Variants in ZNF497 observed in about 807,000 individuals in gnomAD.
ZNF497 encodes the protein zinc finger-like protein.
For missense variants in ZNF497, 930 were observed against 714.0 expected, an observed-to-expected ratio of 1.30 and a Z score of -3.45; for synonymous variants, 422 against 313.7, an observed-to-expected ratio of 1.35 and a Z score of -3.65.
In ZNF497 at chr19:58,356,371, G is replaced by A. The variant is rs759345598; in HGVS notation, c.1265C>T (p.Ala422Val). 1.9e-6 allele frequency: 3 copies of A among 1,566,464 alleles called. No homozygotes were observed. The highest frequency in any genetic ancestry group is 2.6e-6 in the Non-Finnish European group (3 of 1,159,884). ...RPFACAECGK[A>V]FRGSSELRQH... ...GCGCAGCTCGGAGCTGCCGCGGAAGGCCTTGCCGCATTCTGCGCAGGCGAA... is the reference window on the plus strand; with the variant it reads ...GCGCAGCTCGGAGCTGCCGCGGAAGACCTTGCCGCATTCTGCGCAGGCGAA... The change falls in exon 3 of 3, where the codon GCC becomes GTC. Residue 422 changes from alanine (A) to valine (V), a missense_variant. Physicochemically the swap from Ala to Val is moderately conservative, Grantham distance 64. Coordinates refer to ENST00000311044, the MANE Select transcript of ZNF497 (RefSeq NM_198458.3).
In ZNF497 at chr19:58,357,063, G is replaced by A; in HGVS notation, c.573C>T (p.Arg191=). The A allele has an allele frequency of 6.2e-7, 1 of 1,610,960 alleles. No individual in the cohort carries two copies. The highest frequency in any genetic ancestry group is 1.1e-5 in the South Asian group (1 of 90,870). The change falls in exon 3 of 3, where the codon CGC becomes CGT. Residue 191 remains arginine (R), a synonymous_variant. Coordinates refer to ENST00000311044, the MANE Select transcript of ZNF497 (RefSeq NM_198458.3). ...QETHSGLKPF[R]CPDCGKSFGR... The stretch of plus-strand genomic sequence containing the variant: ...CGAAGGACTTGCCGCAGTCCGGGCA[G>A]CGGAAGGGCTTCAGGCCGCTGTGTG...
Position 58,354,530 on chromosome 19 carries a change from T to A in ZNF497, c.*1609A>T, listed in dbSNP as rs114360652. On this transcript the variant is annotated 3_prime_UTR_variant, in exon 3 of 3. Coordinates refer to ENST00000311044, the MANE Select transcript of ZNF497 (RefSeq NM_198458.3). ...AGGAGTTGAGGCGACTGCAGAGCGA[T>A]TGCAGAGCTCATAGACGTGATGAAG... 1.3e-5 allele frequency: 2 copies of A among 152,238 alleles called. No homozygotes were observed. Among genetic ancestry groups the A allele is most frequent in the Non-Finnish European group, 2.9e-5 (2 of 68,024 alleles). The allele number at this position is 152,238 out of a possible 1,614,324, so 9.4% of individuals were successfully genotyped here. A position where few individuals can be genotyped will look rare whatever the true frequency, so the allele number is the denominator to read the frequency against.
intron 1 of ZNF497, 49 bp from the exon 2 acceptor site, chr19:58,358,634 A>T: frequency 1.1e-6 from 1 of 934,874 alleles, no homozygotes; most frequent in Non-Finnish European, 1.4e-6. Context: ...AGCCTAGCAG[A>T]TCTGAGAAAA....
chr19:58,361,859 G>C (rs1389323947), intron 1 of ZNF497, among the ~76,000 whole-genome samples: 1 of 152,154 alleles, frequency 6.6e-6, no homozygotes, highest in Non-Finnish European at 1.5e-5. Context: ...TGTTTCTTAA[G>C]GCGGAGCCAG....
intron 2 of ZNF497, 49 bp downstream of exon 2, chr19:58,358,440 G>A (rs1027057814): frequency 8.6e-7 from 1 of 1,159,224 alleles, no homozygotes; most frequent in Non-Finnish European, 1.1e-6. Flanking sequence ...GTAGTCTCCA[G>A]CCCCGCTGCC....
Position 58,356,599 on chromosome 19 carries a change from G to T in ZNF497, c.1037C>A (p.Ala346Glu). The change falls in exon 3 of 3, where the codon GCG becomes GAG. Residue 346 changes from alanine to glutamate, a missense_variant. Physicochemically the swap from Ala to Glu is moderately radical, Grantham distance 107 (BLOSUM62 -1). Transcript: ENST00000311044. ...GQAFVMGSYL[A>E]EHRRVHTGEK... ...GCCCGTGTGCACGCGCCGGTGCTCC[G>T]CCAGGTAGGAGCCCATGACGAAAGC... 6.9e-7 allele frequency: 1 copy of T among 1,457,526 alleles called. No homozygotes were observed. Among genetic ancestry groups the T allele is most frequent in the Admixed American group, 2.3e-5 (1 of 43,302 alleles). The allele number at this position is 1,457,526 out of a possible 1,614,324, so 90.3% of individuals were successfully genotyped here. A position where few individuals can be genotyped will look rare whatever the true frequency, so the allele number is the denominator to read the frequency against.
In ZNF497 at chr19:58,356,447, C is replaced by A. The variant is rs765078676; in HGVS notation, c.1189G>T (p.Gly397Cys). The stretch of plus-strand genomic sequence containing the variant: ...CGGTGGTGCGCCAGGCCGGAACTGC[C>A]GCGGAAGGCCTTGCCGCAGTCGGCG... ...ACADCGKAFRGSSGLAHHRLS... is the reference protein window; with the variant it reads ...ACADCGKAFRCSSGLAHHRLS... The change falls in exon 3 of 3, where the codon GGC becomes TGC. Residue 397 changes from glycine (G) to cysteine (C), a missense_variant. Transcript: ENST00000311044. 1.3e-6 allele frequency: 2 copies of A among 1,555,838 alleles called. No homozygotes were observed. The highest frequency in any genetic ancestry group is 3.8e-5 in the Admixed American group (2 of 53,306).
Position 58,356,196 on chromosome 19 carries a change from G to A in ZNF497, c.1440C>T (p.Ser480=), listed in dbSNP as rs779782397. The part of the protein sequence containing the change: ...YACGECGKPF[S]HRCNLNEHQK... ...GGTGCTCGTTGAGGTTGCAACGGTG[G>A]CTGAAAGGCTTCCCGCACTCGCCGC... The change falls in exon 3 of 3, where the codon AGC becomes AGT. Residue 480 remains serine, a synonymous_variant. Transcript: ENST00000311044. 1 of 1,597,540 alleles carries A rather than the reference G, an allele frequency of 6.3e-7. No homozygotes were observed. Among genetic ancestry groups the A allele is most frequent in the South Asian group, 1.1e-5 (1 of 90,158 alleles).
In ZNF497 at chr19:58,356,821, C is replaced by G. The variant is rs747897126; in HGVS notation, c.815G>C (p.Arg272Pro). The G allele has an allele frequency of 6.4e-7, 1 of 1,559,686 alleles. No homozygotes were observed. Among genetic ancestry groups the G allele is most frequent in the Non-Finnish European group, 8.6e-7 (1 of 1,160,324 alleles). The change falls in exon 3 of 3, where the codon CGG becomes CCG. Residue 272 changes from arginine to proline, a missense_variant. Physicochemically the swap from Arg to Pro is moderately radical, Grantham distance 103. Coordinates refer to ENST00000311044, the MANE Select transcript of ZNF497 (RefSeq NM_198458.3). ...AEHLKIHAGA[R>P]PHACPDCGKA... Reference sequence around the variant, plus strand: ...GCCGCAGTCGGGACAGGCGTGTGGCCGTGCGCCCGCGTGGATCTTCAGGTG... The same window carrying G: ...GCCGCAGTCGGGACAGGCGTGTGGCGGTGCGCCCGCGTGGATCTTCAGGTG...
chr19:58,356,259 G>A lies in ZNF497; in HGVS notation c.1377C>T (p.Ser459=). The change falls in exon 3 of 3, where the codon AGC becomes AGT. Residue 459 remains serine, a synonymous_variant. Coordinates refer to ENST00000311044, the MANE Select transcript of ZNF497 (RefSeq NM_198458.3). ...TCTCGCCCGTGTGCGTGCGCCGGTGGCTTAAGAGCTCCGACTTGCGCACGA... is the reference window on the plus strand; with the variant it reads ...TCTCGCCCGTGTGCGTGCGCCGGTGACTTAAGAGCTCCGACTTGCGCACGA... ...KAFVRKSELL[S]HRRTHTGERP... 1 of 1,556,740 alleles carries A rather than the reference G, an allele frequency of 6.4e-7. No individual in the cohort carries two copies. Among genetic ancestry groups the A allele is most frequent in the South Asian group, 1.2e-5 (1 of 85,276 alleles).
chr19:58,357,504 G>A lies in ZNF497; in HGVS notation c.132C>T (p.Ser44=). Residue 44 remains serine (S), a synonymous_variant, in exon 3 of 3, where the codon TCC becomes TCT. Coordinates refer to ENST00000311044, the MANE Select transcript of ZNF497 (RefSeq NM_198458.3). ...CCCCTGCCTCCCTCGGAACCTCCGT[G>A]GAGTTTTCCCAGGCCCCCCAGCCTC... ...VSGGWGAWEN[S]TEVPREAGDG... The A allele has an allele frequency of 6.2e-7, 1 of 1,603,370 alleles. No individual in the cohort carries two copies. The highest frequency in any genetic ancestry group is 8.5e-7 in the Non-Finnish European group (1 of 1,175,508).
Position 58,356,415 on chromosome 19 carries a change from C to T in ZNF497, c.1221G>A (p.Ser407=). The T allele has an allele frequency of 1.3e-6, 2 of 1,564,798 alleles. No homozygotes were observed. Among genetic ancestry groups the T allele is most frequent in the Admixed American group, 1.8e-5 (1 of 54,414 alleles). ...GSSGLAHHRL[S]HTGERPFACA... is the part of the protein sequence containing the mutation. Reference sequence around the variant, plus strand: ...AGGCGAAGGGTCGCTCTCCCGTGTGCGAAAGCCGGTGGTGCGCCAGGCCGG... The same window carrying T: ...AGGCGAAGGGTCGCTCTCCCGTGTGTGAAAGCCGGTGGTGCGCCAGGCCGG... The change falls in exon 3 of 3, where the codon TCG becomes TCA. Residue 407 remains serine, a synonymous_variant. Coordinates refer to ENST00000311044, the MANE Select transcript of ZNF497 (RefSeq NM_198458.3).
rs1474703686 is a variant in ZNF497 at position 58,357,161 on chromosome 19, C to T, written c.475G>A (p.Glu159Lys). 6.2e-7 allele frequency: 1 copy of T among 1,612,592 alleles called. No homozygotes were observed. The highest frequency in any genetic ancestry group is 8.5e-7 in the Non-Finnish European group (1 of 1,179,438). The change falls in exon 3 of 3, where the codon GAG becomes AAG. Residue 159 changes from glutamate to lysine, a missense_variant. Coordinates refer to ENST00000311044, the MANE Select transcript of ZNF497 (RefSeq NM_198458.3). ...CACTCCCTGCAAGCGTAGGGCTTCT[C>T]GCCGCTGTGGATGCGCTGGTGCTGG... is the stretch of plus-strand genomic sequence containing the variant. ...LSQHQRIHSG[E>K]KPYACRECGK...
At position 58,356,303 on chromosome 19, in the gene ZNF497, C is replaced by T. The variant is rs766255019; in HGVS notation, c.1333G>A (p.Ala445Thr). 9 of 1,579,052 alleles carry T rather than the reference C, an allele frequency of 5.7e-6. No individual in the cohort carries two copies. The East Asian group carries it at 1.2e-4, about 20-fold the overall frequency. ...CGCACGAAGGCCTTGCTGCAGTGGG[C>T]GCAGACGAACGGCCTCTCGCCAGAG... ...LHSGERPFVC[A>T]HCSKAFVRKS... The change falls in exon 3 of 3, where the codon GCC becomes ACC. Residue 445 changes from alanine to threonine, a missense_variant. Coordinates refer to ENST00000311044, the MANE Select transcript of ZNF497 (RefSeq NM_198458.3).
In ZNF497 at chr19:58,357,668, G is replaced by A. The variant is rs749648976; in HGVS notation, c.-14-19C>T. On this transcript the variant is annotated intron_variant, in intron 2 of 2. Transcript: ENST00000311044. ...CTGTGACCTAAAACAGGAGAGAAAAGGCAAGTACCTTAGAGAATACAAAGA... is the reference window on the plus strand; with the variant it reads ...CTGTGACCTAAAACAGGAGAGAAAAAGCAAGTACCTTAGAGAATACAAAGA... 1.3e-6 allele frequency: 2 copies of A among 1,511,452 alleles called. No individual in the cohort carries two copies. Among genetic ancestry groups the A allele is most frequent in the Admixed American group, 2.3e-5 (1 of 43,894 alleles). 93.6% of individuals were successfully genotyped at this position (1,511,452 alleles called of 1,614,324 possible).
chr19:58,356,681 G>T lies in ZNF497; in HGVS notation c.955C>A (p.Gln319Lys), dbSNP rs761425383. ...TCACCAGTGTGCGTGCGCTGGTGCTGCAGGAGCTGCGAGCTCTCGCGGAAA... is the reference window on the plus strand; with the variant it reads ...TCACCAGTGTGCGTGCGCTGGTGCTTCAGGAGCTGCGAGCTCTCGCGGAAA... ...KAFRESSQLL[Q>K]HQRTHTGERP... The change falls in exon 3 of 3, where the codon CAG becomes AAG. Residue 319 changes from glutamine to lysine, a missense_variant. Transcript: ENST00000311044. The T allele has an allele frequency of 1.3e-6, 2 of 1,556,644 alleles. No individual in the cohort carries two copies. The highest frequency in any genetic ancestry group is 4.8e-5 in the East Asian group (2 of 42,098).
intron 1 of ZNF497, among the ~76,000 whole-genome samples, chr19:58,360,167 G>T (rs2052075611): frequency 6.6e-6 from 1 of 152,188 alleles, no homozygotes; most frequent in South Asian, 2.1e-4. Context: ...GATCTGCAGG[G>T]AAGAGAGAAA....
rs747658460 is a variant in ZNF497 at position 58,357,421 on chromosome 19, C to T, written c.215G>A (p.Arg72Lys). The change falls in exon 3 of 3, where the codon AGG becomes AAG. Residue 72 changes from arginine to lysine, a missense_variant. Arg to Lys is a conservative substitution (Grantham distance 26). Transcript: ENST00000311044. ...GAADEQGGPG[R>K]ELGPADGGRD... Reference sequence around the variant, plus strand: ...CCCACCGTCTGCGGGGCCCAGCTCCCTGCCGGGGCCTCCCTGTTCGTCCGC... The same window carrying T: ...CCCACCGTCTGCGGGGCCCAGCTCCTTGCCGGGGCCTCCCTGTTCGTCCGC... 6.2e-7 allele frequency: 1 copy of T among 1,600,366 alleles called. No individual in the cohort carries two copies. Among genetic ancestry groups the T allele is most frequent in the South Asian group, 1.1e-5 (1 of 89,928 alleles).
At chr19:58,361,844 G>A (rs1010468851) in intron 1 of ZNF497, among the ~76,000 whole-genome samples, 6 of 152,082 alleles carry the variant, frequency 3.9e-5, no homozygotes, top group East Asian at 3.9e-4. Flanking sequence ...TCCCCCAAGG[G>A]CCCATGTTTC....
Sources: gnomAD v4.1 joint callset for allele counts (sites outside exome capture counted in the v4.1 genomes callset) on GRCh38, gnomAD v4.1.1 for gene constraint, MANE v1.5 for transcripts, NCBI Gene and HGNC (gene_info 2026-07-23, HGNC 2026-07-21) for gene names.